The following EPB41L4A variants were observed in gnomAD, a reference collection of about 807,000 sequenced individuals.
EPB41L4A encodes the protein erythrocyte membrane protein band 4.1 like 4A.
Under a neutral mutation model 108.6 loss-of-function variants are expected in EPB41L4A, and 100 were observed. That is an observed-to-expected ratio of 0.92 (90% CI 0.78 to 1.09). EPB41L4A has a LOEUF of 1.09. Ranked by LOEUF, EPB41L4A falls within the 50% of genes least tolerant of loss-of-function variation. The pLI is 0.00. For synonymous variants in EPB41L4A, 319 were observed against 289.0 expected, an observed-to-expected ratio of 1.10 and a Z score of -1.05; for missense variants, 1,030 against 842.7, an observed-to-expected ratio of 1.22 and a Z score of -2.75.
chr5:112,280,288 G>T lies in EPB41L4A; in HGVS notation c.240C>A (p.His80Gln), dbSNP rs1453523251. The T allele has an allele frequency of 2.5e-6, 4 of 1,613,830 alleles. No homozygotes were observed. The highest frequency in any genetic ancestry group is 2.5e-6 in the Non-Finnish European group (3 of 1,179,872). ...AATACCTACTGTTGATCAGTTCTTTGTGTTCAGCAAGGGTTTTTGCAGGAT... is the reference window on the plus strand; with the variant it reads ...AATACCTACTGTTGATCAGTTCTTTTTGTTCAGCAAGGGTTTTTGCAGGAT... ...WLDPAKTLAEHKELINTGPPY... is the reference protein window; with the variant it reads ...WLDPAKTLAEQKELINTGPPY... The change falls in exon 3 of 23, where the codon CAC becomes CAA. Residue 80 changes from histidine to glutamine, a missense_variant. By Grantham distance (24) the His-to-Gln change is conservative. Coordinates refer to ENST00000261486, the MANE Select transcript of EPB41L4A (RefSeq NM_022140.5).
rs758359175 is a variant in EPB41L4A, at chr5:112,234,678, C to T, written c.1043G>A (p.Arg348Gln). 10 of 1,613,550 alleles carry T rather than the reference C, an allele frequency of 6.2e-6. No individual in the cohort carries two copies. In the East Asian group the frequency reaches 6.7e-5, roughly 11 times the overall value. ...TATTCGCTTAGGGTAAGTCTTGCTT[C>T]GACTTCTTGTCACATTCTGATCAGG... ...PRPDQNVTRSRSKTYPKRIAQ... is the reference protein window; with the variant it reads ...PRPDQNVTRSQSKTYPKRIAQ... The change falls in exon 12 of 23, where the codon CGA becomes CAA. Residue 348 changes from arginine (R) to glutamine (Q), a missense_variant. Transcript: ENST00000261486.
chr5:112,235,286 T>C (rs1380757111), intron 11 of EPB41L4A, among the ~76,000 whole-genome samples: 1 of 152,182 alleles, frequency 6.6e-6, no homozygotes, highest in South Asian at 2.1e-4. Context: ...TAGAACCCCA[T>C]GCAAAGCACT....
At chr5:112,220,283 A>C (rs1247440521) in intron 12 of EPB41L4A, among the ~76,000 whole-genome samples, 1 of 152,226 alleles carries the variant, frequency 6.6e-6, no homozygotes, top group African/African-American at 2.4e-5. Context: ...TGTTCTATCA[A>C]GTGACAAATC....
At chr5:112,360,862 G>A (rs1388017114) in intron 1 of EPB41L4A, among the ~76,000 whole-genome samples, 1 of 152,040 alleles carries the variant, frequency 6.6e-6, no homozygotes, top group Non-Finnish European at 1.5e-5. Flanking sequence ...TCTGGGATGT[G>A]AGGAGCGCCT....
In EPB41L4A at chr5:112,211,237, G is replaced by A. The variant is rs541059618; in HGVS notation, c.1088-1255C>T. On this transcript the variant is annotated intron_variant, in intron 12 of 22. Coordinates refer to ENST00000261486, the MANE Select transcript of EPB41L4A (RefSeq NM_022140.5). ...ACTACTTCCACCTGTGGCCCCACAAGCAGCTCAAGAGTCAGTCTAGATTAG... is the reference window on the plus strand; with the variant it reads ...ACTACTTCCACCTGTGGCCCCACAAACAGCTCAAGAGTCAGTCTAGATTAG... 2.0e-5 allele frequency among the ~76,000 whole-genome samples: 3 copies of A among 152,268 alleles called. No homozygotes were observed. The East Asian group carries it at 5.8e-4, about 29-fold the overall frequency.
In EPB41L4A at chr5:112,409,737, C is replaced by T. The variant is rs531680266; in HGVS notation, c.99+9204G>A. ...CCTAGTTCTCTCCCTCAAGGCTTTC[C>T]ATCCCTACTAACAGCTGCTACCACT... On this transcript the variant is annotated intron_variant, in intron 1 of 22. Transcript: ENST00000261486. Among the ~76,000 whole-genome samples, 11 of 152,236 alleles carry T rather than the reference C, an allele frequency of 7.2e-5. No homozygotes were observed. In the South Asian group the frequency reaches 2.3e-3, roughly 32 times the overall value.
chr5:112,366,188 G>A lies in EPB41L4A; in HGVS notation c.99+52753C>T, dbSNP rs114979006. ...CAACACAGAAACTGTAGTGACTACT[G>A]CCCCTGCCACCTGCAACCACAGCTC... On this transcript the variant is annotated intron_variant, in intron 1 of 22. Coordinates refer to ENST00000261486, the MANE Select transcript of EPB41L4A (RefSeq NM_022140.5). Among the ~76,000 whole-genome samples the A allele has an allele frequency of 4.5e-3, 683 of 151,988 alleles. 5 individuals are homozygous for A. Among genetic ancestry groups the A allele is most frequent in the African/African-American group, 0.016 (643 of 41,462 alleles).
At chr5:112,393,021 AAAG>A (rs1418211588) in intron 1 of EPB41L4A, among the ~76,000 whole-genome samples, 1 of 152,212 alleles carries the variant, frequency 6.6e-6, no homozygotes, top group Non-Finnish European at 1.5e-5. Flanking sequence ...AGGCAGAAAT[AAAG>A]ATGTTCCTTG....
chr5:112,178,025 G>T (rs1171951519), intron 18 of EPB41L4A, among the ~76,000 whole-genome samples: 2 of 150,724 alleles, frequency 1.3e-5, no homozygotes, highest in Non-Finnish European at 2.9e-5. Flanking sequence ...AAAAGACAGG[G>T]ATTGTCAGGC....
At chr5:112,358,960 TC>T (rs1282304016) in intron 1 of EPB41L4A, among the ~76,000 whole-genome samples, 1 of 152,224 alleles carries the variant, frequency 6.6e-6, no homozygotes, top group African/African-American at 2.4e-5. Context: ...ATTGTATTAT[TC>T]CTTTTATACA....
chr5:112,189,575 CCT>C (rs935314553), intron 17 of EPB41L4A, among the ~76,000 whole-genome samples: 1 of 152,108 alleles, frequency 6.6e-6, no homozygotes, highest in Non-Finnish European at 1.5e-5. Context: ...CAAATAGTCC[CCT>C]GTTGTCAATT....
chr5:112,232,898 G>A (rs1286836121), intron 12 of EPB41L4A, among the ~76,000 whole-genome samples: 2 of 152,178 alleles, frequency 1.3e-5, no homozygotes, highest in African/African-American at 4.8e-5. Context: ...GGACACTGGA[G>A]AGTGTTAGAC....
At chr5:112,366,369 T>A (rs1759119485) in intron 1 of EPB41L4A, among the ~76,000 whole-genome samples, 1 of 151,650 alleles carries the variant, frequency 6.6e-6, no homozygotes, top group Non-Finnish European at 1.5e-5. Flanking sequence ...GCAAAGCAAC[T>A]GAGGAGAGTT....
chr5:112,377,214 T>TG (rs917230044), intron 1 of EPB41L4A, among the ~76,000 whole-genome samples: 4 of 131,856 alleles, frequency 3.0e-5, no homozygotes, highest in African/African-American at 7.0e-5. Flanking sequence ...TCTGTTTGTT[T>TG]GAAAAAAAAA....
intron 12 of EPB41L4A, among the ~76,000 whole-genome samples, chr5:112,233,835 T>TA (rs997910309): frequency 4.0e-4 from 61 of 152,126 alleles, no homozygotes; most frequent in African/African-American, 1.4e-3. Context: ...TGGTTTTTGT[T>TA]GTTTGTTTTA....
intron 17 of EPB41L4A, among the ~76,000 whole-genome samples, chr5:112,191,127 G>C (rs1360028759): frequency 6.6e-6 from 1 of 152,108 alleles, no homozygotes; most frequent in Admixed American, 6.5e-5. Flanking sequence ...TCAAAACCTA[G>C]AAAGCTGTAG....
chr5:112,340,981 TC>T (rs1257954840), intron 1 of EPB41L4A, among the ~76,000 whole-genome samples: 3 of 152,194 alleles, frequency 2.0e-5, no homozygotes, highest in African/African-American at 7.2e-5. Flanking sequence ...CTTACTTCAT[TC>T]AGATTTCTGC....
intron 1 of EPB41L4A, among the ~76,000 whole-genome samples, chr5:112,338,094 G>C (rs575690543): frequency 2.0e-5 from 3 of 152,202 alleles, no homozygotes; most frequent in South Asian, 2.1e-4. Flanking sequence ...AAAATGCCAT[G>C]TGTCACCTTT....
upstream of EPB41L4A, chr5:112,419,904 G>C (rs1244246967): frequency 2.2e-6 from 1 of 456,722 alleles, no homozygotes; most frequent in South Asian, 1.5e-5. Context: ...GGCTTCTTCA[G>C]GACATTCAGC....
Sources: allele counts gnomAD v4.1 joint callset (sites outside exome capture counted in the v4.1 genomes callset), GRCh38; gene constraint gnomAD v4.1.1; transcripts MANE v1.5; gene names NCBI Gene and HGNC (gene_info 2026-07-23, HGNC 2026-07-21).